The following MRPS18A variants were observed in gnomAD, a reference collection of about 807,000 sequenced individuals.
MRPS18A encodes the protein mitochondrial ribosomal protein S18A, also known as large ribosomal subunit protein mL66.
Under a neutral mutation model 22.7 loss-of-function variants are expected in MRPS18A, and 20 were observed. The observed-to-expected ratio is 0.88, with a 90% CI of 0.62 to 1.28. The LOEUF is 1.28. Among genes scored for constraint, MRPS18A ranks in the 50% most tolerant of loss-of-function variants. The pLI is 0.00. For synonymous variants in MRPS18A, 106 were observed against 99.1 expected, an observed-to-expected ratio of 1.07 and a Z score of -0.41; for missense variants, 294 against 262.6, an observed-to-expected ratio of 1.12 and a Z score of -0.83.
rs140743757 is a variant in MRPS18A, at chr6:43,671,363, C to G, written c.*399G>C. ...TTCAATTGACTCATTGGCCCCATCA[C>G]AAGAGATCAGTGACTCAATGCTCAG... On this transcript the variant is annotated 3_prime_UTR_variant, in exon 6 of 6. Coordinates refer to ENST00000372133, the MANE Select transcript of MRPS18A (RefSeq NM_018135.4). 1 of 401,240 alleles carries G rather than the reference C, an allele frequency of 2.5e-6. No individual in the cohort carries two copies. The highest frequency in any genetic ancestry group is 4.6e-6 in the Non-Finnish European group (1 of 217,392). The allele number at this position is 401,240 out of a possible 1,614,324, so 24.9% of individuals were successfully genotyped here.
At position 43,687,746 on chromosome 6, in the gene MRPS18A, C is replaced by A. The variant is rs930727833; in HGVS notation, c.34G>T (p.Gly12Trp). ...AALKALVSGC[G>W]RLLRGLLAGP... ...GCTAGTAGCCCACGGAGAAGCCGCC[C>A]ACAGCCGGACACCAGAGCCTTGAGG... The change falls in exon 1 of 6, where the codon GGG (glycine) becomes TGG (tryptophan). Residue 12 changes from glycine to tryptophan, a missense_variant. By Grantham distance (184) the Gly-to-Trp change is radical. Transcript: ENST00000372133. 2 of 1,584,584 alleles carry A rather than the reference C, an allele frequency of 1.3e-6. No individual in the cohort carries two copies. Among genetic ancestry groups the A allele is most frequent in the African/African-American group, 2.7e-5 (2 of 74,508 alleles).
At chr6:43,678,497 T>C in intron 3 of MRPS18A, 21 bp downstream of exon 3, 1 of 1,546,958 alleles carries the variant, frequency 6.5e-7, no homozygotes, top group South Asian at 1.1e-5. Context: ...CAGAACCGAG[T>C]GTCTCTGTAC....
At chr6:43,687,601 G>A (rs1652191624) in intron 1 of MRPS18A, 67 bp downstream of exon 1, 3 of 1,343,278 alleles carry the variant, frequency 2.2e-6, no homozygotes, top group Non-Finnish European at 2.1e-6. Flanking sequence ...GGAGCGCACC[G>A]GGGCTGGCGG....
At chr6:43,678,681 T>A in intron 2 of MRPS18A, 56 bp from the exon 3 acceptor site, 4 of 1,287,884 alleles carry the variant, frequency 3.1e-6, no homozygotes, top group Non-Finnish European at 4.5e-6. Flanking sequence ...TGGAGCCACA[T>A]TATCTTTGCA....
chr6:43,685,082 G>T (rs1774619088), intron 1 of MRPS18A, among the ~76,000 whole-genome samples: 1 of 152,066 alleles, frequency 6.6e-6, no homozygotes, highest in Non-Finnish European at 1.5e-5. Context: ...GAGGGAAGAG[G>T]GCTGGCTCTA....
intron 1 of MRPS18A, among the ~76,000 whole-genome samples, chr6:43,683,126 C>G (rs1388750441): frequency 1.3e-5 from 2 of 152,148 alleles, no homozygotes; most frequent in Non-Finnish European, 2.9e-5. Context: ...GTACCAAATC[C>G]TGAAGTCATC....
chr6:43,684,678 G>C (rs1351475797), intron 1 of MRPS18A, among the ~76,000 whole-genome samples: 1 of 152,056 alleles, frequency 6.6e-6, no homozygotes, highest in Non-Finnish European at 1.5e-5. Flanking sequence ...CTCTCTCAAA[G>C]CTTTTATATG....
intron 2 of MRPS18A, among the ~76,000 whole-genome samples, chr6:43,680,700 G>A (rs1322499001): frequency 4.6e-5 from 7 of 152,220 alleles, no homozygotes; most frequent in African/African-American, 9.6e-5. Flanking sequence ...GCCATTCTAG[G>A]CAGAAAAGAA....
At chr6:43,675,645 G>A in intron 3 of MRPS18A, 28 bp from the exon 4 acceptor site, 2 of 1,577,634 alleles carry the variant, frequency 1.3e-6, no homozygotes, top group Non-Finnish European at 1.7e-6. Flanking sequence ...TAGGGGATGA[G>A]GGTCAGCTGG....
intron 3 of MRPS18A, among the ~76,000 whole-genome samples, chr6:43,675,995 G>T (rs1322835184): frequency 6.6e-6 from 1 of 151,996 alleles, no homozygotes; most frequent in African/African-American, 2.4e-5. Flanking sequence ...GAGTAGCTGG[G>T]ACTATAGGTG....
chr6:43,672,320 T>C (rs1273147807), intron 5 of MRPS18A: 2 of 462,210 alleles, frequency 4.3e-6, no homozygotes, highest in Non-Finnish European at 4.5e-6. Context: ...CTCACTCAGC[T>C]ACCCCAACCT....
At position 43,675,558 on chromosome 6, in the gene MRPS18A, G is replaced by C; in HGVS notation, c.312C>G (p.Ile104Met). 6.2e-7 allele frequency: 1 copy of C among 1,614,054 alleles called. No individual in the cohort carries two copies. The highest frequency in any genetic ancestry group is 8.5e-7 in the Non-Finnish European group (1 of 1,180,008). ...GGTGTTCTTCCTGGCATAGGCCTGT[G>C]ATCTTTCGGGGCAGCATGCCTCCAT... Reference protein sequence around the residue: ...RPHGGMLPRKITGLCQEEHRK... With the variant: ...RPHGGMLPRKMTGLCQEEHRK... Residue 104 changes from isoleucine (I) to methionine (M), a missense_variant, in exon 4 of 6, where the codon ATC becomes ATG. By Grantham distance (10) the Ile-to-Met change is conservative. Transcript: ENST00000372133.
chr6:43,677,892 C>T (rs1357194130), intron 3 of MRPS18A, among the ~76,000 whole-genome samples: 2 of 152,172 alleles, frequency 1.3e-5, no homozygotes, highest in Admixed American at 6.5e-5. Context: ...AACGACTGCA[C>T]TAGAAGAGCT....
chr6:43,671,354 G>T lies in MRPS18A; in HGVS notation c.*408C>A. ...GCCCATGAATTCAATTGACTCATTG[G>T]CCCCATCACAAGAGATCAGTGACTC... On this transcript the variant is annotated 3_prime_UTR_variant, in exon 6 of 6. Transcript: ENST00000372133. 2.5e-6 allele frequency: 1 copy of T among 398,818 alleles called. No homozygotes were observed. The highest frequency in any genetic ancestry group is 5.3e-5 in the East Asian group (1 of 18,916). 24.7% of individuals were successfully genotyped at this position (398,818 alleles called of 1,614,324 possible).
chr6:43,675,130 C>T (rs1460672157), intron 5 of MRPS18A, 72 bp downstream of exon 5: 1 of 1,323,380 alleles, frequency 7.6e-7, no homozygotes, highest in Admixed American at 2.5e-5. Context: ...GGGAATGGAA[C>T]AGACAGCCAA....
Position 43,671,794 on chromosome 6 carries a change from A to G in MRPS18A, c.559T>C (p.Tyr187His). 1 of 1,614,234 alleles carries G rather than the reference A, an allele frequency of 6.2e-7. No individual in the cohort carries two copies. Among genetic ancestry groups the G allele is most frequent in the Non-Finnish European group, 8.5e-7 (1 of 1,180,036 alleles). The change falls in exon 6 of 6, where the codon TAC becomes CAC. Residue 187 changes from tyrosine to histidine, a missense_variant. Transcript: ENST00000372133. Reference sequence around the variant, plus strand: ...TACAGCTTCCAAGGTGTTCTTGAGTAGCAGACATTGTCCCTCAGAAGGGGT... The same window carrying G: ...TACAGCTTCCAAGGTGTTCTTGAGTGGCAGACATTGTCCCTCAGAAGGGGT... ...GSPLLRDNVC[Y>H]SRTPWKLYH
rs142888206 is a variant in MRPS18A, at chr6:43,677,309, C to G, written c.252+1209G>C. Among the ~76,000 whole-genome samples the G allele has an allele frequency of 8.5e-5, 13 of 152,300 alleles. No individual in the cohort carries two copies. The East Asian group carries it at 2.3e-3, about 27-fold the overall frequency. On this transcript the variant is annotated intron_variant, in intron 3 of 5. Transcript: ENST00000372133. ...GGACAGAAAGAACCCCCCCAACCCT[C>G]AGGGTGGCCTCAAGCCAAGGCTTCC...
At chr6:43,678,997 G>C (rs1561951083) in intron 2 of MRPS18A, among the ~76,000 whole-genome samples, 2 of 152,196 alleles carry the variant, frequency 1.3e-5, no homozygotes, top group Non-Finnish European at 2.9e-5. Flanking sequence ...TTGGGGGAAA[G>C]TAATACATGC....
chr6:43,676,071 GA>G (rs1245212454), intron 3 of MRPS18A, among the ~76,000 whole-genome samples: 1 of 152,058 alleles, frequency 6.6e-6, no homozygotes, highest in Non-Finnish European at 1.5e-5. Context: ...GGTTGGTCTT[GA>G]ACTCCTGGGC....
Sources: allele counts gnomAD v4.1 joint callset (sites outside exome capture counted in the v4.1 genomes callset), GRCh38; gene constraint gnomAD v4.1.1; transcripts MANE v1.5; gene names NCBI Gene and HGNC (gene_info 2026-07-23, HGNC 2026-07-21).